GPATCH8: variants seen among roughly 807,000 people sequenced by gnomAD.
GPATCH8 encodes the protein G-patch domain containing 8, also known as G patch domain-containing protein 8.
Under a neutral mutation model 118.3 loss-of-function variants are expected in GPATCH8, and 18 were observed. The observed-to-expected ratio is 0.15, with a 90% CI of 0.11 to 0.23. The LOEUF (loss-of-function observed/expected upper bound fraction) is 0.23, where lower values mean the gene tolerates loss of function less well. GPATCH8 is among the 10% of genes least tolerant of loss of function. The pLI is 1.00. For missense variants in GPATCH8, 1,631 were observed against 1,873.8 expected, an observed-to-expected ratio of 0.87 and a Z score of 2.39; for synonymous variants, 659 against 684.7, an observed-to-expected ratio of 0.96 and a Z score of 0.59.
intron 1 of GPATCH8, among the ~76,000 whole-genome samples, chr17:44,479,692 G>C (rs1568049501): frequency 6.6e-6 from 1 of 152,196 alleles, no homozygotes; most frequent in African/African-American, 2.4e-5. Context: ...TTGATGGCTG[G>C]GCAAGGTGGC....
chr17:44,449,472 G>C (rs2051032001), intron 3 of GPATCH8, among the ~76,000 whole-genome samples: 1 of 151,482 alleles, frequency 6.6e-6, no homozygotes, highest in Non-Finnish European at 1.5e-5. Flanking sequence ...CAAAGTGCTG[G>C]GGTTACAGGC....
chr17:44,411,859 G>A (rs1238049060), intron 6 of GPATCH8, among the ~76,000 whole-genome samples: 1 of 152,190 alleles, frequency 6.6e-6, no homozygotes, highest in Non-Finnish European at 1.5e-5. Flanking sequence ...TTGGGAGGCT[G>A]AGGTAAAAGG....
In GPATCH8 at chr17:44,399,458, G is replaced by A. The variant is rs2048920231; in HGVS notation, c.2619C>T (p.Ser873=). 1 of 1,614,196 alleles carries A rather than the reference G, an allele frequency of 6.2e-7. No individual in the cohort carries two copies. ...HRSSRRSYSS[S]SDASSDQSCY... ...AGCTCTGGTCTGAAGAGGCATCTGAGCTACTTGAGTAAGAACGCCGGGAGG... is the reference window on the plus strand; with the variant it reads ...AGCTCTGGTCTGAAGAGGCATCTGAACTACTTGAGTAAGAACGCCGGGAGG... Residue 873 remains serine (S), a synonymous_variant, in exon 8 of 8, where the codon AGC becomes AGT. Coordinates refer to ENST00000591680, the MANE Select transcript of GPATCH8 (RefSeq NM_001002909.4).
intron 4 of GPATCH8, among the ~76,000 whole-genome samples, chr17:44,436,017 G>C (rs1349467497): frequency 2.6e-5 from 2 of 76,092 alleles, no homozygotes; most frequent in Non-Finnish European, 4.8e-5. Flanking sequence ...CAACAAGAGC[G>C]AAACTCCATC....
intron 1 of GPATCH8, among the ~76,000 whole-genome samples, chr17:44,497,481 A>G (rs1969744237): frequency 2.0e-5 from 3 of 151,914 alleles, no homozygotes. Context: ...CCAGGTACTC[A>G]GGAGGCTGAG....
intron 2 of GPATCH8, among the ~76,000 whole-genome samples, chr17:44,470,799 C>T (rs770387260): frequency 6.6e-6 from 1 of 152,200 alleles, no homozygotes; most frequent in Non-Finnish European, 1.5e-5. Flanking sequence ...TGAGCCCCTG[C>T]GCCCAATTCC....
intron 5 of GPATCH8, among the ~76,000 whole-genome samples, chr17:44,427,332 C>CAT (rs530203044): frequency 1.5e-4 from 23 of 151,680 alleles, no homozygotes; most frequent in South Asian, 4.2e-4. Flanking sequence ...ATATAAAATA[C>CAT]ATATATATAT....
chr17:44,441,521 C>T (rs1343401080), intron 3 of GPATCH8, among the ~76,000 whole-genome samples: 4 of 151,482 alleles, frequency 2.6e-5, no homozygotes, highest in Admixed American at 6.6e-5. Context: ...GTCAGGAGTT[C>T]GAGACCAGCC....
chr17:44,418,741 G>A (rs989652261), intron 6 of GPATCH8, among the ~76,000 whole-genome samples: 10 of 152,134 alleles, frequency 6.6e-5, no homozygotes, highest in African/African-American at 1.4e-4. Flanking sequence ...GTGAGCCACC[G>A]CGCCCGGCTA....
rs749578945 is a variant in GPATCH8, at chr17:44,461,153, T to C, written c.193+3319A>G. 4.6e-5 allele frequency among the ~76,000 whole-genome samples: 7 copies of C among 152,292 alleles called. No homozygotes were observed. The South Asian group carries it at 6.2e-4, about 14-fold the overall frequency. ...GATTAAGATGCTAAATTTTATGTTATGTGTTTTGGAAAGGGTGAATTTTAT... is the reference window on the plus strand; with the variant it reads ...GATTAAGATGCTAAATTTTATGTTACGTGTTTTGGAAAGGGTGAATTTTAT... On this transcript the variant is annotated intron_variant, in intron 3 of 7. Transcript: ENST00000591680.
intron 1 of GPATCH8, among the ~76,000 whole-genome samples, chr17:44,493,317 T>TCC (rs914026261): frequency 6.6e-6 from 1 of 152,152 alleles, no homozygotes; most frequent in Non-Finnish European, 1.5e-5. Flanking sequence ...CACCTTGGCC[T>TCC]CCCAAAGTGC....
At chr17:44,476,561 G>A (rs1033094052) in intron 1 of GPATCH8, among the ~76,000 whole-genome samples, 3 of 152,154 alleles carry the variant, frequency 2.0e-5, no homozygotes, top group African/African-American at 7.2e-5. Flanking sequence ...AAGAAAACAA[G>A]TCATAGTAAT....
intron 3 of GPATCH8, among the ~76,000 whole-genome samples, chr17:44,451,825 T>C (rs1166107241): frequency 6.6e-6 from 1 of 152,212 alleles, no homozygotes; most frequent in Non-Finnish European, 1.5e-5. Context: ...ATAACTACTG[T>C]ATATTTCAAT....
At chr17:44,444,914 G>A (rs896319690) in intron 3 of GPATCH8, among the ~76,000 whole-genome samples, 5 of 152,140 alleles carry the variant, frequency 3.3e-5, no homozygotes, top group African/African-American at 1.2e-4. Flanking sequence ...TGTTCGTAGC[G>A]GGTCTGAAAC....
intron 6 of GPATCH8, among the ~76,000 whole-genome samples, chr17:44,415,816 G>A (rs1012092374): frequency 6.6e-6 from 1 of 152,224 alleles, no homozygotes; most frequent in Admixed American, 6.5e-5. Flanking sequence ...TGAAACTGTA[G>A]AACAAAAGTA....
chr17:44,430,940 C>T (rs536949039), intron 5 of GPATCH8, among the ~76,000 whole-genome samples: 9 of 151,686 alleles, frequency 5.9e-5, no homozygotes, highest in East Asian at 1.9e-4. Context: ...TGTGAGCCAC[C>T]GCACTGGCCA....
At chr17:44,435,526 G>T (rs1170202335) in intron 4 of GPATCH8, among the ~76,000 whole-genome samples, 2 of 143,150 alleles carry the variant, frequency 1.4e-5, no homozygotes, top group Non-Finnish European at 3.0e-5. Flanking sequence ...TGATTCTCCT[G>T]CCTCAGCCTC....
intron 3 of GPATCH8, among the ~76,000 whole-genome samples, chr17:44,451,719 T>C (rs79491635): frequency 0.02 from 3,051 of 152,270 alleles, 106 homozygotes; most frequent in African/African-American, 0.069. Context: ...AAGTTTCTAG[T>C]GAATTTATAC....
At chr17:44,429,231 T>C (rs1215704036) in intron 5 of GPATCH8, among the ~76,000 whole-genome samples, 1 of 152,160 alleles carries the variant, frequency 6.6e-6, no homozygotes, top group Non-Finnish European at 1.5e-5. Context: ...ATGCACAACA[T>C]ATATCAACAC....
Sources: gnomAD v4.1 joint callset for allele counts (sites outside exome capture counted in the v4.1 genomes callset) on GRCh38, gnomAD v4.1.1 for gene constraint, MANE v1.5 for transcripts, NCBI Gene and HGNC (gene_info 2026-07-23, HGNC 2026-07-21) for gene names.